Variants in C1orf185 observed in about 807,000 individuals in gnomAD.
C1orf185 encodes chromosome 1 open reading frame 185, also known as uncharacterized protein C1orf185.
A neutral mutation model predicts 16.1 loss-of-function variants in C1orf185; 13 were observed. The ratio of observed to expected loss-of-function variants is 0.81; its 90% confidence interval spans 0.53 to 1.28. The LOEUF (loss-of-function observed/expected upper bound fraction) is 1.28, where lower values mean the gene tolerates loss of function less well. C1orf185 is among the 50% of genes most tolerant of loss of function. The pLI is 0.00. For missense variants in C1orf185, 220 were observed against 225.2 expected, an observed-to-expected ratio of 0.98 and a Z score of 0.15; for synonymous variants, 80 against 76.9, an observed-to-expected ratio of 1.04 and a Z score of -0.21.
At chr1:51,103,529 T>A (rs1194100285) in intron 1 of C1orf185, among the ~76,000 whole-genome samples, 1 of 151,186 alleles carries the variant, frequency 6.6e-6, no homozygotes, top group Non-Finnish European at 1.5e-5. Context: ...ATTTCAGATG[T>A]CTTTCCTTTT....
intron 1 of C1orf185, chr1:51,107,383 T>G (rs376945216): frequency 9.9e-5 from 15 of 152,202 alleles, no homozygotes; most frequent in African/African-American, 3.1e-4. Context: ...AAAGTCTAAG[T>G]TTGTGTTCTA....
intron 3 of C1orf185, among the ~76,000 whole-genome samples, chr1:51,139,817 G>A (rs1176246028): frequency 1.3e-5 from 2 of 152,094 alleles, no homozygotes; most frequent in African/African-American, 2.4e-5. Flanking sequence ...TAACAACAAA[G>A]GTTTATTTCT....
chr1:51,149,851 G>A (rs1329625148), downstream of C1orf185, among the ~76,000 whole-genome samples: 1 of 152,178 alleles, frequency 6.6e-6, no homozygotes. Context: ...CCTTGTCCCA[G>A]CCTTCATGAA....
intron 2 of C1orf185, among the ~76,000 whole-genome samples, chr1:51,114,102 G>A (rs1009838872): frequency 6.6e-6 from 1 of 152,170 alleles, no homozygotes; most frequent in Non-Finnish European, 1.5e-5. Context: ...TAAACTGAAA[G>A]CAGAGCAAAT....
At chr1:51,131,398 G>T (rs985977264) in intron 3 of C1orf185, among the ~76,000 whole-genome samples, 1 of 152,172 alleles carries the variant, frequency 6.6e-6, no homozygotes, top group African/African-American at 2.4e-5. Flanking sequence ...ATTTTAGTCA[G>T]TGGTAAGAGC....
intron 3 of C1orf185, among the ~76,000 whole-genome samples, chr1:51,139,434 C>T (rs1434903817): frequency 6.6e-6 from 1 of 152,076 alleles, no homozygotes; most frequent in East Asian, 1.9e-4. Context: ...TGCTGTCAGA[C>T]CTTTGTATCA....
intron 3 of C1orf185, among the ~76,000 whole-genome samples, chr1:51,143,767 A>T (rs907554489): frequency 6.6e-6 from 1 of 152,206 alleles, no homozygotes; most frequent in Admixed American, 6.5e-5. Flanking sequence ...GGCTCAGGAT[A>T]TCCTTGCGCC....
chr1:51,106,993 G>T (rs1646077816), intron 1 of C1orf185, among the ~76,000 whole-genome samples: 1 of 152,104 alleles, frequency 6.6e-6, no homozygotes, highest in South Asian at 2.1e-4. Flanking sequence ...TCCTGACCTT[G>T]TGATCCGCCC....
chr1:51,108,841 A>G (rs186338586), intron 1 of C1orf185, among the ~76,000 whole-genome samples: 1 of 152,330 alleles, frequency 6.6e-6, no homozygotes. Context: ...GATTGATTCC[A>G]TATCTTGGCT....
At chr1:51,132,183 G>A (rs1001714888) in intron 3 of C1orf185, among the ~76,000 whole-genome samples, 3 of 152,170 alleles carry the variant, frequency 2.0e-5, no homozygotes, top group African/African-American at 7.2e-5. Flanking sequence ...AAAAGCCAGA[G>A]AGCCTTCTTT....
At chr1:51,118,166 C>T (rs933376055) in intron 2 of C1orf185, among the ~76,000 whole-genome samples, 2 of 152,164 alleles carry the variant, frequency 1.3e-5, no homozygotes. Flanking sequence ...GTGATCCGCC[C>T]GCCTTGACCT....
chr1:51,112,632 T>G, intron 2 of C1orf185, 63 bp downstream of exon 2: 4 of 1,371,148 alleles, frequency 2.9e-6, no homozygotes, highest in Non-Finnish European at 3.0e-6. Context: ...AAAGGACTTT[T>G]TCAAATGGAA....
rs1302410724 is a variant in C1orf185, at chr1:51,102,259, G to T, written c.16+10G>T. On this transcript the variant is annotated intron_variant, in intron 1 of 4. Coordinates refer to ENST00000371759, the MANE Select transcript of C1orf185 (RefSeq NM_001136508.2). ...ATGGCTTCACCTAAAGGTATGAGAAGCTGGGTCATGTAGTCTAGCTTTTTG... is the reference window on the plus strand; with the variant it reads ...ATGGCTTCACCTAAAGGTATGAGAATCTGGGTCATGTAGTCTAGCTTTTTG... The T allele has an allele frequency of 4.2e-6, 3 of 715,630 alleles. No homozygotes were observed. The highest frequency in any genetic ancestry group is 7.8e-6 in the Non-Finnish European group (3 of 383,432). 44.3% of individuals were successfully genotyped at this position (715,630 alleles called of 1,614,324 possible). A position where few individuals can be genotyped will look rare whatever the true frequency, so the allele number is the denominator to read the frequency against.
chr1:51,148,246 C>G (rs1216536959), downstream of C1orf185, among the ~76,000 whole-genome samples: 2 of 152,160 alleles, frequency 1.3e-5, no homozygotes. Context: ...GCTTCAGCCT[C>G]CTGAGTAGCT....
Position 51,110,927 on chromosome 1 carries a change from C to T in C1orf185, c.17-1537C>T, listed in dbSNP as rs182163691. On this transcript the variant is annotated intron_variant, in intron 1 of 4. Coordinates refer to ENST00000371759, the MANE Select transcript of C1orf185 (RefSeq NM_001136508.2). ...GAGGTTGCAGTGAGCCGAGATCTCACCACTGTACTCCAGCCTGGGTGACAG... is the reference window on the plus strand; with the variant it reads ...GAGGTTGCAGTGAGCCGAGATCTCATCACTGTACTCCAGCCTGGGTGACAG... Among the ~76,000 whole-genome samples the T allele has an allele frequency of 1.7e-3, 252 of 152,228 alleles. 3 individuals carry two copies. Among genetic ancestry groups the T allele is most frequent in the African/African-American group, 5.6e-3 (231 of 41,538 alleles).
chr1:51,105,723 G>A (rs1259367944), intron 1 of C1orf185, among the ~76,000 whole-genome samples: 1 of 152,124 alleles, frequency 6.6e-6, no homozygotes, highest in Non-Finnish European at 1.5e-5. Flanking sequence ...AAAGTGGGGA[G>A]TTACTTTAGA....
intron 3 of C1orf185, among the ~76,000 whole-genome samples, chr1:51,122,574 A>G (rs1646205787): frequency 6.6e-6 from 1 of 152,190 alleles, no homozygotes; most frequent in African/African-American, 2.4e-5. Context: ...ATATGCTACT[A>G]TTGATGAACC....
At position 51,128,178 on chromosome 1, in the gene C1orf185, C is replaced by T. The variant is rs551396654; in HGVS notation, c.258+9377C>T. 1.1e-4 allele frequency among the ~76,000 whole-genome samples: 16 copies of T among 152,046 alleles called. No homozygotes were observed. In the South Asian group the frequency reaches 2.9e-3, roughly 28 times the overall value. Reference sequence around the variant, plus strand: ...CACTGGGATTACAGGCGTGAGCCACCGCGCCCAGCCTGTATTTTCATTTTT... The same window carrying T: ...CACTGGGATTACAGGCGTGAGCCACTGCGCCCAGCCTGTATTTTCATTTTT... On this transcript the variant is annotated intron_variant, in intron 3 of 4. Transcript: ENST00000371759.
intron 2 of C1orf185, among the ~76,000 whole-genome samples, chr1:51,114,596 G>A (rs768279373): frequency 2.6e-5 from 4 of 152,044 alleles, no homozygotes; most frequent in Non-Finnish European, 2.9e-5. Flanking sequence ...GGTGGTACAC[G>A]CCTGTAACCC....
Sources: allele counts gnomAD v4.1 joint callset (sites outside exome capture counted in the v4.1 genomes callset), GRCh38; gene constraint gnomAD v4.1.1; transcripts MANE v1.5; gene names NCBI Gene and HGNC (gene_info 2026-07-23, HGNC 2026-07-21).